The following KMO variants were observed in gnomAD, a reference collection of about 807,000 sequenced individuals.
The protein encoded by KMO is kynurenine 3-hydroxylase.
KMO carries 24 observed loss-of-function variants against 57.8 expected under a neutral mutation model. The observed-to-expected ratio is 0.42, with a 90% CI of 0.30 to 0.58. The LOEUF is 0.58. Ranked by LOEUF, KMO falls within the 20% of genes least tolerant of loss-of-function variation. The probability of loss-of-function intolerance (pLI) is 0.22; values close to 1 mark genes in which losing one functional copy is unlikely to be tolerated. For missense variants in KMO, 483 were observed against 588.2 expected (o/e 0.82, Z 1.85); for synonymous variants, 210 against 193.6 (o/e 1.08, Z -0.70).
intron 10 of KMO, 178 bp from the exon 11 acceptor site, chr1:241,586,501 C>T (rs1474308227): frequency 1.0e-5 from 6 of 589,904 alleles, no homozygotes; most frequent in East Asian, 6.3e-5. Context: ...CGTCCAGGCC[C>T]GATGGTCATT....
At position 241,564,931 on chromosome 1, in the gene KMO, T is replaced by C. The variant is rs1218418124; in HGVS notation, c.616-56T>C. On this transcript the variant is annotated intron_variant, in intron 7 of 14. Transcript: ENST00000366559. Reference sequence around the variant, plus strand: ...GGAAACTATTATAAAGCTGAGTCCGTTTTATAGGTTTGCTATATGAATGCA... The same window carrying C: ...GGAAACTATTATAAAGCTGAGTCCGCTTTATAGGTTTGCTATATGAATGCA... The C allele has an allele frequency of 1.1e-5, 12 of 1,107,382 alleles. No homozygotes were observed. In the African/African-American group the frequency reaches 1.6e-4, roughly 14 times the overall value. 68.6% of individuals were successfully genotyped at this position (1,107,382 alleles called of 1,614,324 possible). A position where few individuals can be genotyped will look rare whatever the true frequency, so the allele number is the denominator to read the frequency against.
chr1:241,543,303 CAT>C (rs1165830506), intron 1 of KMO, among the ~76,000 whole-genome samples: 1 of 152,118 alleles, frequency 6.6e-6, no homozygotes, highest in Non-Finnish European at 1.5e-5. Flanking sequence ...ATATTTATCT[CAT>C]GTATACACGT....
In KMO at chr1:241,594,792, T is replaced by C; in HGVS notation, c.*2639T>C. 1 of 1,413,280 alleles carries C rather than the reference T, an allele frequency of 7.1e-7. No individual in the cohort carries two copies. Among genetic ancestry groups the C allele is most frequent in the Non-Finnish European group, 9.6e-7 (1 of 1,038,450 alleles). The allele number at this position is 1,413,280 out of a possible 1,614,324, so 87.5% of individuals were successfully genotyped here. Reference sequence around the variant, plus strand: ...GTTGAGCTGAATTTAAGTTGTTTTTTGTTTGTTAGCAGGTGTGGATGTGGG... The same window carrying C: ...GTTGAGCTGAATTTAAGTTGTTTTTCGTTTGTTAGCAGGTGTGGATGTGGG... On this transcript the variant is annotated 3_prime_UTR_variant, in exon 15 of 15. Transcript: ENST00000366559.
intron 6 of KMO, chr1:241,561,923 T>C: frequency 2.4e-6 from 1 of 423,608 alleles, no homozygotes; most frequent in Non-Finnish European, 4.3e-6. Flanking sequence ...CCTGTCACAC[T>C]TCTGTGGCCT....
chr1:241,586,767 G>A (rs1425674793), intron 11 of KMO, 31 bp downstream of exon 11: 1 of 1,504,068 alleles, frequency 6.6e-7, no homozygotes, highest in Non-Finnish European at 9.1e-7. Flanking sequence ...AACTGGACAT[G>A]TACTAGCTCT....
At chr1:241,538,601 G>T (rs1660832008) in intron 1 of KMO, among the ~76,000 whole-genome samples, 1 of 152,192 alleles carries the variant, frequency 6.6e-6, no homozygotes, top group Non-Finnish European at 1.5e-5. Context: ...CAGGCTGTTT[G>T]GTGGGCCTCA....
chr1:241,537,789 C>T (rs770647017), intron 1 of KMO, among the ~76,000 whole-genome samples: 2 of 152,134 alleles, frequency 1.3e-5, no homozygotes, highest in Non-Finnish European at 2.9e-5. Context: ...TTTCATGAGA[C>T]TCATTCACTA....
intron 4 of KMO, among the ~76,000 whole-genome samples, chr1:241,553,604 G>A (rs1016434077): frequency 7.9e-5 from 12 of 152,124 alleles, no homozygotes; most frequent in Admixed American, 2.6e-4. Context: ...TGGGAAGATC[G>A]CTTGAGCCCG....
At chr1:241,589,961 G>C (rs1394001454) in intron 12 of KMO, 51 bp from the exon 13 acceptor site, 1 of 1,334,276 alleles carries the variant, frequency 7.5e-7, no homozygotes, top group Non-Finnish European at 1.1e-6. Flanking sequence ...GTCGCAGTGA[G>C]AAATAGCTGT....
chr1:241,539,554 A>G (rs77211120), intron 1 of KMO, among the ~76,000 whole-genome samples: 4,357 of 152,304 alleles, frequency 0.029, 221 homozygotes, highest in African/African-American at 0.1. Flanking sequence ...AACTCCCAAC[A>G]AAACCTTCTG....
intron 8 of KMO, among the ~76,000 whole-genome samples, chr1:241,566,267 G>A (rs140538096): frequency 3.5e-4 from 53 of 152,272 alleles, no homozygotes; most frequent in African/African-American, 1.3e-3. Flanking sequence ...TTACAATATA[G>A]AAATTGTCCG....
intron 10 of KMO, among the ~76,000 whole-genome samples, chr1:241,577,619 G>A (rs765978593): frequency 6.6e-6 from 1 of 152,100 alleles, no homozygotes; most frequent in Non-Finnish European, 1.5e-5. Context: ...TATGGGGTTG[G>A]AATGGTAGAG....
chr1:241,577,907 T>A (rs1662590466), intron 10 of KMO, among the ~76,000 whole-genome samples: 1 of 152,132 alleles, frequency 6.6e-6, no homozygotes. Context: ...CCCCTTTTCC[T>A]TCTGGCCTCC....
chr1:241,540,475 T>C (rs1660920770), intron 1 of KMO, among the ~76,000 whole-genome samples: 1 of 152,068 alleles, frequency 6.6e-6, no homozygotes, highest in African/African-American at 2.4e-5. Context: ...AGGTAGGCAT[T>C]TTCCAAAAAC....
intron 5 of KMO, among the ~76,000 whole-genome samples, chr1:241,559,546 ACTT>A (rs1484443998): frequency 1.4e-4 from 21 of 152,322 alleles, no homozygotes; most frequent in African/African-American, 2.4e-4. Flanking sequence ...TTGCCAAACT[ACTT>A]CTTCTACATA....
intron 11 of KMO, among the ~76,000 whole-genome samples, chr1:241,588,173 A>C (rs1443695480): frequency 6.6e-6 from 1 of 152,132 alleles, no homozygotes; most frequent in Non-Finnish European, 1.5e-5. Flanking sequence ...TGAACACTGA[A>C]TAATTTCTAT....
rs35070185 is a variant in KMO at position 241,591,425 on chromosome 1, C to CAAA, written c.1261-517_1261-515dup. 6.1e-4 allele frequency among the ~76,000 whole-genome samples: 86 copies of CAAA among 140,164 alleles called. 1 individual carries two copies. Among genetic ancestry groups the CAAA allele is most frequent in the African/African-American group, 1.7e-3 (64 of 38,370 alleles). The allele number at this position is 140,164 out of a possible 152,430, so 92.0% of individuals were successfully genotyped here. A position where few individuals can be genotyped will look rare whatever the true frequency, so the allele number is the denominator to read the frequency against. ...TGAGTATTCAAGTAGATTTCTCTGT[C>CAAA]AAAAAAAAAAAAAGAAAAGAAATAG... On this transcript the variant is annotated intron_variant, in intron 14 of 14. Transcript: ENST00000366559.
intron 6 of KMO, among the ~76,000 whole-genome samples, chr1:241,561,260 A>C (rs568578485): frequency 6.6e-6 from 1 of 152,350 alleles, no homozygotes; most frequent in South Asian, 2.1e-4. Context: ...AAATCAATTT[A>C]TGTTAACTTC....
intron 7 of KMO, among the ~76,000 whole-genome samples, chr1:241,562,795 T>C (rs1048129367): frequency 6.6e-6 from 1 of 151,186 alleles, no homozygotes; most frequent in South Asian, 2.1e-4. Context: ...GCCGAGATCA[T>C]GCCAATGCAC....
Sources: gnomAD v4.1 joint callset for allele counts (sites outside exome capture counted in the v4.1 genomes callset) on GRCh38, gnomAD v4.1.1 for gene constraint, MANE v1.5 for transcripts, NCBI Gene and HGNC (gene_info 2026-07-23, HGNC 2026-07-21) for gene names.